NFRKB: variants seen among roughly 807,000 people sequenced by gnomAD.
NFRKB encodes the protein nuclear factor related to kappa-B-binding protein.
In NFRKB, 62 loss-of-function variants were observed where a neutral mutation model predicts 135.7. That is an observed-to-expected ratio of 0.46 (90% CI 0.37 to 0.56). The LOEUF (loss-of-function observed/expected upper bound fraction) is 0.56, where lower values mean the gene tolerates loss of function less well. Among genes scored for constraint, NFRKB ranks in the 20% least tolerant of loss-of-function variants. The pLI, the probability that NFRKB is intolerant of heterozygous loss-of-function variation, is 0.00. For missense variants in NFRKB, 1,545 were observed against 1,662.0 expected, an observed-to-expected ratio of 0.93 and a Z score of 1.22; for synonymous variants, 678 against 635.6, an observed-to-expected ratio of 1.07 and a Z score of -1.00.
In NFRKB at chr11:129,882,152, T is replaced by C; in HGVS notation, c.1125A>G (p.Ile375Met). Residue 375 changes from isoleucine to methionine, a missense_variant, in exon 11 of 27, where the codon ATA becomes ATG. Around this residue, in one of 3 missense-constraint regions of NFRKB, gnomAD observed 678 missense variants for 646.7 expected, o/e 1.05. Coordinates refer to ENST00000682444, the MANE Select transcript of NFRKB (RefSeq NM_001143835.2). Reference sequence around the variant, plus strand: ...ATAGAAGAGAGAAGAAGCTGGAAGATATTTCATTGATTCCAAGGCAAGGCT... The same window carrying C: ...ATAGAAGAGAGAAGAAGCTGGAAGACATTTCATTGATTCCAAGGCAAGGCT... Reference protein sequence around the residue: ...DLKPCLGINEISSSFFSLLLE... With the variant: ...DLKPCLGINEMSSSFFSLLLE... 6.2e-7 allele frequency: 1 copy of C among 1,613,588 alleles called. No individual in the cohort carries two copies. The highest frequency in any genetic ancestry group is 2.2e-5 in the East Asian group (1 of 44,888).
In NFRKB at chr11:129,882,595, T is replaced by C. The variant is rs1949083504; in HGVS notation, c.938A>G (p.Lys313Arg). The C allele has an allele frequency of 6.2e-7, 1 of 1,613,864 alleles. No individual in the cohort carries two copies. Among genetic ancestry groups the C allele is most frequent in the South Asian group, 1.1e-5 (1 of 91,078 alleles). Residue 313 changes from lysine (K) to arginine (R), a missense_variant, in exon 10 of 27, where the codon AAG becomes AGG. This residue lies in a region of NFRKB where 678 missense variants were observed against 646.7 expected (regional missense o/e 1.05). Coordinates refer to ENST00000682444, the MANE Select transcript of NFRKB (RefSeq NM_001143835.2). The part of the protein sequence containing the change: ...YDLAVLKKKV[K>R]EKEEKKKKKI... Reference sequence around the variant, plus strand: ...CTTCTTCTTCTTTTCCTCTTTTTCCTTAACCTTTTTTTTAAGGACAGCCAA... The same window carrying C: ...CTTCTTCTTCTTTTCCTCTTTTTCCCTAACCTTTTTTTTAAGGACAGCCAA...
rs745421602 is a variant in NFRKB, at chr11:129,875,480, GCA to G, written c.1748-19_1748-18del. On this transcript the variant is annotated intron_variant, in intron 17 of 26. Coordinates refer to ENST00000682444, the MANE Select transcript of NFRKB (RefSeq NM_001143835.2). The stretch of plus-strand genomic sequence containing the variant: ...CGTCCCGAACTGATGACATGAGAAA[GCA>G]CACAGTCCACAAGTCAGGCAGGGTT... 177 of 1,574,294 alleles carry G rather than the reference GCA, an allele frequency of 1.1e-4. No homozygotes were observed. Among genetic ancestry groups the G allele is most frequent in the Non-Finnish European group, 1.5e-4 (173 of 1,157,396 alleles).
rs897072065 is a variant in NFRKB, at chr11:129,870,378, T to C, written c.2764-117A>G. ...GTTTTGTATTTTTTTTTTAACTTTTTATTTTGCAAACATTCACAGAAGTAG... is the reference window on the plus strand; with the variant it reads ...GTTTTGTATTTTTTTTTTAACTTTTCATTTTGCAAACATTCACAGAAGTAG... On this transcript the variant is annotated intron_variant, in intron 23 of 26. Transcript: ENST00000682444. 4.1e-6 allele frequency: 5 copies of C among 1,219,432 alleles called. No individual in the cohort carries two copies. In the Admixed American group the frequency reaches 7.4e-5, roughly 18 times the overall value. 75.5% of individuals were successfully genotyped at this position (1,219,432 alleles called of 1,614,324 possible). A position where few individuals can be genotyped will look rare whatever the true frequency, so the allele number is the denominator to read the frequency against.
At chr11:129,871,690 C>T (rs556097982) in intron 23 of NFRKB, among the ~76,000 whole-genome samples, 7 of 152,302 alleles carry the variant, frequency 4.6e-5, no homozygotes, top group Admixed American at 1.3e-4. Context: ...CTCCCATCTG[C>T]GGCAGCCTTG....
In NFRKB at chr11:129,892,744, C is replaced by T; in HGVS notation, c.106G>A (p.Val36Ile). Residue 36 changes from valine (V) to isoleucine (I), a missense_variant, in exon 3 of 27, where the codon GTT (valine) becomes ATT (isoleucine). Transcript: ENST00000682444. ...MEDCLLGGTR[V>I]SLPEDLLEDP... ...TCCAGAAGGTCCTCGGGCAGACTAA[C>T]TCTGGTGCCTCCCAGGAGGCAATCC... 2 of 1,614,148 alleles carry T rather than the reference C, an allele frequency of 1.2e-6. No individual in the cohort carries two copies. Among genetic ancestry groups the T allele is most frequent in the South Asian group, 2.2e-5 (2 of 91,076 alleles).
Position 129,873,835 on chromosome 11 carries a change from C to G in NFRKB, c.2460G>C (p.Ser820=). The change falls in exon 22 of 27, where the codon TCG becomes TCC. Residue 820 remains serine (S), a synonymous_variant. Coordinates refer to ENST00000682444, the MANE Select transcript of NFRKB (RefSeq NM_001143835.2). ...QPSLPAVPQQ[S]GGPAQTLPQM... ...GTGGCAATGTCTGTGCCGGCCCTCC[C>G]GACTGCTGGGGAACAGCAGGAAGGC... The G allele has an allele frequency of 6.2e-7, 1 of 1,614,180 alleles. No individual in the cohort carries two copies. The highest frequency in any genetic ancestry group is 8.5e-7 in the Non-Finnish European group (1 of 1,180,038).
chr11:129,885,887 T>C (rs1249007040), intron 5 of NFRKB, among the ~76,000 whole-genome samples: 3 of 152,198 alleles, frequency 2.0e-5, no homozygotes, highest in African/African-American at 7.2e-5. Flanking sequence ...AAGGATGACT[T>C]AAAATCCAAA....
chr11:129,892,784 G>A lies in NFRKB; in HGVS notation c.66C>T (p.Gly22=), dbSNP rs1405972038. 1.2e-6 allele frequency: 2 copies of A among 1,614,056 alleles called. No homozygotes were observed. Among genetic ancestry groups the A allele is most frequent in the African/African-American group, 2.7e-5 (2 of 74,926 alleles). The change falls in exon 3 of 27, where the codon GGC becomes GGT. Residue 22 remains glycine (G), a synonymous_variant. Coordinates refer to ENST00000682444, the MANE Select transcript of NFRKB (RefSeq NM_001143835.2). ...GGAGGCAATCCTCCATGATGCGCGT[G>A]CCATGGCCATCTCCACACGGACCAA... The part of the protein sequence containing the change: ...LELGPCGDGH[G]TRIMEDCLLG...
At position 129,872,717 on chromosome 11, in the gene NFRKB, C is replaced by A. The variant is rs1591486284; in HGVS notation, c.2763+167G>T. The A allele has an allele frequency of 8.0e-6, 5 of 621,714 alleles. No individual in the cohort carries two copies. In the East Asian group the frequency reaches 1.4e-4, roughly 18 times the overall value. 38.5% of individuals were successfully genotyped at this position (621,714 alleles called of 1,614,324 possible). A position where few individuals can be genotyped will look rare whatever the true frequency, so the allele number is the denominator to read the frequency against. ...CTCTTCAGCATCTATCAAAGCTGCACTGCCTTTGCCTTTGGTGGGAACTCA... is the reference window on the plus strand; with the variant it reads ...CTCTTCAGCATCTATCAAAGCTGCAATGCCTTTGCCTTTGGTGGGAACTCA... On this transcript the variant is annotated intron_variant, in intron 23 of 26. Transcript: ENST00000682444.
In NFRKB at chr11:129,892,824, G is replaced by T; in HGVS notation, c.26C>A (p.Thr9Lys). 1 of 1,614,186 alleles carries T rather than the reference G, an allele frequency of 6.2e-7. No individual in the cohort carries two copies. The highest frequency in any genetic ancestry group is 1.3e-5 in the African/African-American group (1 of 75,056). Reference protein sequence around the residue: MDSLDHMLTDPLELGPCGD... With the variant: MDSLDHMLKDPLELGPCGD... Reference sequence around the variant, plus strand: ...ACACGGACCAAGTTCCAGAGGATCTGTCAGCATATGGTCTAAGGAATCCAT... The same window carrying T: ...ACACGGACCAAGTTCCAGAGGATCTTTCAGCATATGGTCTAAGGAATCCAT... Residue 9 changes from threonine (T) to lysine (K), a missense_variant, in exon 3 of 27, where the codon ACA becomes AAA. This residue lies in a region of NFRKB where 678 missense variants were observed against 646.7 expected (regional missense o/e 1.05). Transcript: ENST00000682444.
intron 4 of NFRKB, among the ~76,000 whole-genome samples, chr11:129,886,811 C>T (rs1175121203): frequency 6.6e-6 from 1 of 152,182 alleles, no homozygotes; most frequent in Non-Finnish European, 1.5e-5. Context: ...AGAGACAGTG[C>T]TACCTTTATG....
chr11:129,892,626 G>C, intron 3 of NFRKB, 89 bp downstream of exon 3: 1 of 1,377,136 alleles, frequency 7.3e-7, no homozygotes, highest in Non-Finnish European at 1.0e-6. Context: ...GAGCACAAAA[G>C]ACTGGAAATG....
intron 3 of NFRKB, among the ~76,000 whole-genome samples, chr11:129,890,297 A>G (rs1198099479): frequency 6.6e-6 from 1 of 152,090 alleles, no homozygotes; most frequent in Non-Finnish European, 1.5e-5. Context: ...CTGCAAGCCT[A>G]TTTTTGCCTA....
intron 7 of NFRKB, 124 bp downstream of exon 7, chr11:129,884,621 T>C: frequency 9.2e-7 from 1 of 1,082,722 alleles, no homozygotes. Context: ...ACAAATCACC[T>C]AGTTCTAGGG....
In NFRKB at chr11:129,892,976, C is replaced by T. The variant is rs988857659; in HGVS notation, c.-21-106G>A. The T allele has an allele frequency of 3.8e-5, 60 of 1,569,962 alleles. No homozygotes were observed. The African/African-American group carries it at 5.8e-4, about 15-fold the overall frequency. On this transcript the variant is annotated intron_variant, in intron 2 of 26. Transcript: ENST00000682444. ...ATTCAACCTCCAGCCAGTTCTTACACCTTATCCTTGCACCCTAATTACAGC... is the reference window on the plus strand; with the variant it reads ...ATTCAACCTCCAGCCAGTTCTTACATCTTATCCTTGCACCCTAATTACAGC...
chr11:129,889,062 A>T (rs1413937908), intron 3 of NFRKB, among the ~76,000 whole-genome samples: 1 of 151,758 alleles, frequency 6.6e-6, no homozygotes, highest in Non-Finnish European at 1.5e-5. Context: ...CCCAGACTCA[A>T]GCGATTCTCC....
rs1424561517 is a variant in NFRKB, at chr11:129,882,068, C to G, written c.1191+18G>C. 2.5e-6 allele frequency: 4 copies of G among 1,583,814 alleles called. No homozygotes were observed. Among genetic ancestry groups the G allele is most frequent in the Middle Eastern group, 1.7e-4 (1 of 5,878 alleles). On this transcript the variant is annotated intron_variant, in intron 11 of 26. Coordinates refer to ENST00000682444, the MANE Select transcript of NFRKB (RefSeq NM_001143835.2). ...TTTGAAAACTCTAATGTACCTCCAA[C>G]TTTTCCAAAACGCTTACCATAGGAA...
intron 7 of NFRKB, 68 bp downstream of exon 7, chr11:129,884,677 C>T: frequency 6.3e-7 from 1 of 1,580,590 alleles, no homozygotes; most frequent in Non-Finnish European, 8.7e-7. Flanking sequence ...ACCCACCTCC[C>T]TCTAAAGGAG....
Position 129,874,004 on chromosome 11 carries a change from A to C in NFRKB, c.2291T>G (p.Val764Gly). ...CAGATGTGGCATTGTTGGTGAAGAC[A>C]CCAGAAGAACACTATGAAGAACATC... Reference protein sequence around the residue: ...PAKSSSGVLLVSSPTMPHLGT... With the variant: ...PAKSSSGVLLGSSPTMPHLGT... The change falls in exon 22 of 27, where the codon GTG (valine) becomes GGG (glycine). Residue 764 changes from valine (V) to glycine (G), a missense_variant. Physicochemically the swap from Val to Gly is moderately radical, Grantham distance 109. This residue lies in a region of NFRKB where 753 missense variants were observed against 804.3 expected (regional missense o/e 0.94). Transcript: ENST00000682444. The surrounding 1 kb of genome is among the most constrained non-coding windows in gnomAD (Gnocchi z 4.5). 1 of 1,612,608 alleles carries C rather than the reference A, an allele frequency of 6.2e-7. No homozygotes were observed. The highest frequency in any genetic ancestry group is 8.5e-7 in the Non-Finnish European group (1 of 1,179,498).
Sources: gnomAD v4.1 joint callset for allele counts (sites outside exome capture counted in the v4.1 genomes callset) on GRCh38, gnomAD v4.1.1 for gene constraint, gnomAD v4.1.1 regional missense constraint, Gnocchi (gnomAD v3.1) non-coding constraint, MANE v1.5 for transcripts, NCBI Gene and HGNC (gene_info 2026-07-23, HGNC 2026-07-21) for gene names.